The following CCSER1 variants were observed in gnomAD, a reference collection of about 807,000 sequenced individuals.
CCSER1 encodes the protein serine-rich coiled-coil domain-containing protein 1.
Under a neutral mutation model 82.0 loss-of-function variants are expected in CCSER1, and 41 were observed. The observed-to-expected ratio is 0.50, with a 90% CI of 0.39 to 0.65. The LOEUF is 0.65. Among genes scored for constraint, CCSER1 ranks in the 30% least tolerant of loss-of-function variants. The pLI, the probability that CCSER1 is intolerant of heterozygous loss-of-function variation, is 0.00. For synonymous variants in CCSER1, 414 were observed against 383.9 expected (o/e 1.08, Z -0.92); for missense variants, 1,119 against 1,064.2 (o/e 1.05, Z -0.72).
intron 8 of CCSER1, among the ~76,000 whole-genome samples, chr4:90,850,299 T>C (rs1215043962): frequency 6.6e-6 from 1 of 152,152 alleles, no homozygotes; most frequent in Non-Finnish European, 1.5e-5. Context: ...GGACTCTATA[T>C]GGGGCTTCAA....
chr4:91,594,876 A>AAGAC (rs1343214766), intron 10 of CCSER1, among the ~76,000 whole-genome samples: 2 of 152,058 alleles, frequency 1.3e-5, no homozygotes, highest in African/African-American at 2.4e-5. Flanking sequence ...TAATATACTA[A>AAGAC]AGACACAATA....
At chr4:90,416,894 G>A (rs139183919) in intron 4 of CCSER1, among the ~76,000 whole-genome samples, 3 of 152,080 alleles carry the variant, frequency 2.0e-5, no homozygotes, top group African/African-American at 7.3e-5. Context: ...CATGTTCTTT[G>A]CAGGGACATG....
At chr4:90,367,551 G>A (rs1436550392) in intron 3 of CCSER1, among the ~76,000 whole-genome samples, 1 of 151,476 alleles carries the variant, frequency 6.6e-6, no homozygotes, top group African/African-American at 2.4e-5. Context: ...ATAAGTAAAG[G>A]AAGAAAGAAT....
intron 1 of CCSER1, among the ~76,000 whole-genome samples, chr4:90,210,226 C>G (rs1739698356): frequency 6.6e-6 from 1 of 152,080 alleles, no homozygotes; most frequent in South Asian, 2.1e-4. Context: ...GTGGTTGTTG[C>G]TATGATCTTT....
At chr4:90,268,514 C>T (rs1725659923) in intron 1 of CCSER1, among the ~76,000 whole-genome samples, 1 of 151,878 alleles carries the variant, frequency 6.6e-6, no homozygotes. Context: ...TTGCAAGCCT[C>T]ATGGTAATCT....
intron 3 of CCSER1, among the ~76,000 whole-genome samples, chr4:90,386,688 A>C (rs1750112820): frequency 6.6e-6 from 1 of 152,334 alleles, no homozygotes; most frequent in East Asian, 1.9e-4. Context: ...AAAAGAAACA[A>C]TCAATGGAGT....
chr4:90,528,527 T>C (rs1774072704), intron 5 of CCSER1, among the ~76,000 whole-genome samples: 1 of 152,190 alleles, frequency 6.6e-6, no homozygotes, highest in African/African-American at 2.4e-5. Flanking sequence ...TTTTAGAAAT[T>C]TGATTTTATT....
intron 10 of CCSER1, among the ~76,000 whole-genome samples, chr4:91,571,187 T>C (rs933272567): frequency 6.6e-6 from 1 of 152,184 alleles, no homozygotes; most frequent in South Asian, 2.1e-4. Context: ...GATCCAAACT[T>C]TGCCACATTT....
chr4:91,380,821 G>A (rs2149337174), intron 10 of CCSER1, among the ~76,000 whole-genome samples: 1 of 152,252 alleles, frequency 6.6e-6, no homozygotes. Flanking sequence ...CTCCTTAGTT[G>A]ATGCAGTTTC....
At chr4:90,933,363 A>ATTT in intron 9 of CCSER1, among the ~76,000 whole-genome samples, 1 of 151,430 alleles carries the variant, frequency 6.6e-6, no homozygotes, top group South Asian at 2.1e-4. Flanking sequence ...AATTTTTTGT[A>ATTT]TTTTTAGTAG....
chr4:91,150,158 G>A (rs558375015), intron 10 of CCSER1, among the ~76,000 whole-genome samples: 5 of 152,142 alleles, frequency 3.3e-5, no homozygotes, highest in Non-Finnish European at 5.9e-5. Flanking sequence ...ATTTCGTTGA[G>A]CAGTGGTTTG....
intron 10 of CCSER1, among the ~76,000 whole-genome samples, chr4:91,348,278 T>A (rs72879100): frequency 2.0e-5 from 3 of 152,058 alleles, no homozygotes; most frequent in African/African-American, 7.2e-5. Context: ...TGAGGGATTA[T>A]AGTAATTGAT....
rs183128537 is a variant in CCSER1, at chr4:90,408,744, T to A, written c.1603+8615T>A. On this transcript the variant is annotated intron_variant, in intron 4 of 10. Transcript: ENST00000509176. The stretch of plus-strand genomic sequence containing the variant: ...GAGCACCTCTCCTCCTCCAAAGGAA[T>A]GCAGCTCCTCACCAGCAACGGAACA... 8.2e-3 allele frequency among the ~76,000 whole-genome samples: 1,252 copies of A among 152,318 alleles called. 12 individuals carry two copies. Among genetic ancestry groups the A allele is most frequent in the South Asian group, 0.03 (145 of 4,822 alleles).
chr4:90,900,386 T>G (rs1724457103), intron 8 of CCSER1, among the ~76,000 whole-genome samples: 1 of 152,030 alleles, frequency 6.6e-6, no homozygotes, highest in Non-Finnish European at 1.5e-5. Context: ...GTCTATCAAT[T>G]TTGTTTATCC....
chr4:91,191,027 A>G (rs1392711340), intron 10 of CCSER1, among the ~76,000 whole-genome samples: 2 of 152,096 alleles, frequency 1.3e-5, no homozygotes, highest in African/African-American at 2.4e-5. Flanking sequence ...TTTATAACAT[A>G]TGCTATTAAC....
chr4:90,202,800 T>C (rs1444148593), intron 1 of CCSER1, among the ~76,000 whole-genome samples: 1 of 152,254 alleles, frequency 6.6e-6, no homozygotes, highest in Non-Finnish European at 1.5e-5. Context: ...CTGAAATTAC[T>C]ACCTTTCTTC....
rs551899581 is a variant in CCSER1, at chr4:91,015,669, T to C, written c.2173-70281T>C. Among the ~76,000 whole-genome samples the C allele has an allele frequency of 2.3e-3, 348 of 151,992 alleles. 1 individual carries two copies. Among genetic ancestry groups the C allele is most frequent in the African/African-American group, 8.0e-3 (334 of 41,560 alleles). ...TTATAAACAGGTACCTATTATAAAA[T>C]CTATAAACATATTAGCAATTTGCTA... On this transcript the variant is annotated intron_variant, in intron 9 of 10. Transcript: ENST00000509176.
chr4:90,381,859 T>A (rs1213949849), intron 3 of CCSER1, among the ~76,000 whole-genome samples: 3 of 152,140 alleles, frequency 2.0e-5, no homozygotes, highest in African/African-American at 7.2e-5. Context: ...CATCATTATT[T>A]ATATACCTTC....
At chr4:90,937,922 C>T (rs1003476635) in intron 9 of CCSER1, among the ~76,000 whole-genome samples, 2 of 152,116 alleles carry the variant, frequency 1.3e-5, no homozygotes, top group Non-Finnish European at 2.9e-5. Context: ...TAACATGTAT[C>T]TGTCCTATTG....
Sources: gnomAD v4.1 joint callset for allele counts (sites outside exome capture counted in the v4.1 genomes callset) on GRCh38, gnomAD v4.1.1 for gene constraint, MANE v1.5 for transcripts, NCBI Gene and HGNC (gene_info 2026-07-23, HGNC 2026-07-21) for gene names.